The following KCNIP4 variants were observed in gnomAD, a reference collection of about 807,000 sequenced individuals.
KCNIP4 encodes the protein potassium voltage-gated channel interacting protein 4.
A neutral mutation model predicts 34.0 loss-of-function variants in KCNIP4; 12 were observed. The observed-to-expected ratio is 0.35, with a 90% CI of 0.23 to 0.57. KCNIP4 has a LOEUF of 0.57. Ranked by LOEUF, KCNIP4 falls within the 20% of genes least tolerant of loss-of-function variation. The probability of loss-of-function intolerance (pLI) is 0.83; values close to 1 mark genes in which losing one functional copy is unlikely to be tolerated. For missense variants in KCNIP4, 238 were observed against 311.7 expected (o/e 0.76, Z 1.78); for synonymous variants, 124 against 102.2 (o/e 1.21, Z -1.29).
chr4:21,419,912 A>C (rs1725308348), intron 1 of KCNIP4, among the ~76,000 whole-genome samples: 1 of 152,172 alleles, frequency 6.6e-6, no homozygotes, highest in Non-Finnish European at 1.5e-5. Flanking sequence ...ATTATAAAGG[A>C]GGTATAATGC....
chr4:21,601,346 T>C (rs1743136160), intron 1 of KCNIP4, among the ~76,000 whole-genome samples: 1 of 151,978 alleles, frequency 6.6e-6, no homozygotes, highest in Admixed American at 6.6e-5. Flanking sequence ...CCAACTAATC[T>C]CCATCTCATT....
intron 1 of KCNIP4, among the ~76,000 whole-genome samples, chr4:21,532,229 T>C (rs533913191): frequency 2.6e-5 from 4 of 152,268 alleles, no homozygotes; most frequent in South Asian, 2.1e-4. Context: ...TGCAAAAATA[T>C]GTGGGGTTCT....
intron 1 of KCNIP4, among the ~76,000 whole-genome samples, chr4:21,130,506 T>C (rs967695251): frequency 6.6e-6 from 1 of 152,242 alleles, no homozygotes; most frequent in Non-Finnish European, 1.5e-5. Context: ...TGCTTCATGC[T>C]AATCCACAAT....
At chr4:21,443,872 G>T in intron 1 of KCNIP4, among the ~76,000 whole-genome samples, 1 of 152,074 alleles carries the variant, frequency 6.6e-6, no homozygotes, top group East Asian at 1.9e-4. Flanking sequence ...GGTTGAAGCT[G>T]CAGTGAGTCA....
intron 2 of KCNIP4, among the ~76,000 whole-genome samples, chr4:20,880,561 G>A (rs180674708): frequency 7.2e-5 from 11 of 152,028 alleles, no homozygotes; most frequent in African/African-American, 2.4e-4. Context: ...TTATTTGGGG[G>A]CATGGCTTTA....
intron 3 of KCNIP4, among the ~76,000 whole-genome samples, chr4:20,773,119 G>T (rs1756060869): frequency 6.6e-6 from 1 of 151,348 alleles, no homozygotes; most frequent in South Asian, 2.1e-4. Flanking sequence ...ACTCTCAGTT[G>T]TAGCTTTTGG....
intron 1 of KCNIP4, among the ~76,000 whole-genome samples, chr4:21,363,235 C>T (rs558109638): frequency 1.6e-4 from 25 of 152,254 alleles, no homozygotes; most frequent in Non-Finnish European, 2.9e-4. Context: ...CTTTGACTGC[C>T]ACAGCCCTGT....
At chr4:21,149,976 A>C (rs2109241286) in intron 1 of KCNIP4, among the ~76,000 whole-genome samples, 1 of 152,304 alleles carries the variant, frequency 6.6e-6, no homozygotes, top group South Asian at 2.1e-4. Context: ...AAGACAAAAG[A>C]GAGAAATGCA....
At chr4:21,128,360 C>T (rs1220462202) in intron 1 of KCNIP4, among the ~76,000 whole-genome samples, 6 of 152,182 alleles carry the variant, frequency 3.9e-5, no homozygotes, top group Non-Finnish European at 8.8e-5. Flanking sequence ...GCTTATGAAG[C>T]ATGCGATGTT....
intron 3 of KCNIP4, among the ~76,000 whole-genome samples, chr4:20,816,855 T>C (rs902365342): frequency 1.3e-5 from 2 of 152,220 alleles, no homozygotes; most frequent in Non-Finnish European, 2.9e-5. Flanking sequence ...TCATGCTCAA[T>C]CAGCTATTCT....
intron 1 of KCNIP4, among the ~76,000 whole-genome samples, chr4:21,269,857 G>A (rs1349780650): frequency 6.6e-6 from 1 of 152,132 alleles, no homozygotes; most frequent in African/African-American, 2.4e-5. Context: ...CTCAAATTGG[G>A]CAGGCACAAT....
At chr4:21,736,695 G>A (rs1451666448) in intron 1 of KCNIP4, among the ~76,000 whole-genome samples, 1 of 152,122 alleles carries the variant, frequency 6.6e-6, no homozygotes, top group Non-Finnish European at 1.5e-5. Context: ...ATTTTTACGA[G>A]CACTTTGCTC....
intron 1 of KCNIP4, among the ~76,000 whole-genome samples, chr4:21,908,851 A>G (rs997696614): frequency 2.0e-5 from 3 of 152,200 alleles, no homozygotes; most frequent in Admixed American, 2.0e-4. Flanking sequence ...TAAGAAATTA[A>G]GAACTGGAAA....
chr4:21,944,670 A>G (rs1181261024), intron 1 of KCNIP4, among the ~76,000 whole-genome samples: 1 of 152,114 alleles, frequency 6.6e-6, no homozygotes, highest in Non-Finnish European at 1.5e-5. Context: ...AGCAAATATT[A>G]CAAGTCAGAC....
rs886181019 is a variant in KCNIP4 at position 21,191,137 on chromosome 4, A to C, written c.62-308428T>G. Among the ~76,000 whole-genome samples the C allele has an allele frequency of 1.8e-4, 27 of 152,334 alleles. 1 individual carries two copies. The highest frequency in any genetic ancestry group is 6.0e-4 in the African/African-American group (25 of 41,584). Reference sequence around the variant, plus strand: ...CAGGGTCCAAAAGAGAATTGTTTGCAGTAAGCACAGAGATATTCTCAACAA... The same window carrying C: ...CAGGGTCCAAAAGAGAATTGTTTGCCGTAAGCACAGAGATATTCTCAACAA... On this transcript the variant is annotated intron_variant, in intron 1 of 8. Coordinates refer to ENST00000382152, the MANE Select transcript of KCNIP4 (RefSeq NM_025221.6).
chr4:21,572,296 T>C (rs1361765566), intron 1 of KCNIP4, among the ~76,000 whole-genome samples: 1 of 152,180 alleles, frequency 6.6e-6, no homozygotes, highest in Admixed American at 6.5e-5. Flanking sequence ...ATTTTTGTTA[T>C]TTTACATCAT....
chr4:21,549,359 G>C (rs951761122), intron 1 of KCNIP4, among the ~76,000 whole-genome samples: 3 of 151,828 alleles, frequency 2.0e-5, no homozygotes, highest in East Asian at 1.9e-4. Context: ...AGGGGTTTTG[G>C]TCATGGGGTG....
rs149784876 is a variant in KCNIP4 at position 21,212,836 on chromosome 4, T to C, written c.62-330127A>G. Among the ~76,000 whole-genome samples the C allele has an allele frequency of 7.2e-5, 11 of 152,282 alleles. No homozygotes were observed. The East Asian group carries it at 2.1e-3, about 29-fold the overall frequency. On this transcript the variant is annotated intron_variant, in intron 1 of 8. Coordinates refer to ENST00000382152, the MANE Select transcript of KCNIP4 (RefSeq NM_025221.6). ...ATTACAGTGGGTTAGGATTTCAAAATATACATTTTGGGGAAACACATTCAG... is the reference window on the plus strand; with the variant it reads ...ATTACAGTGGGTTAGGATTTCAAAACATACATTTTGGGGAAACACATTCAG...
At chr4:21,108,718 T>A (rs1577706217) in intron 1 of KCNIP4, among the ~76,000 whole-genome samples, 1 of 151,600 alleles carries the variant, frequency 6.6e-6, no homozygotes, top group African/African-American at 2.4e-5. Flanking sequence ...TTTTTCCCCA[T>A]CTTTGTGGTT....
Sources: gnomAD v4.1 joint callset for allele counts (sites outside exome capture counted in the v4.1 genomes callset) on GRCh38, gnomAD v4.1.1 for gene constraint, MANE v1.5 for transcripts, NCBI Gene and HGNC (gene_info 2026-07-23, HGNC 2026-07-21) for gene names.